TCF4: variants seen among roughly 807,000 people sequenced by gnomAD.
The protein encoded by TCF4 is transcription factor 4.
TCF4 carries 3 observed loss-of-function variants against 82.1 expected under a neutral mutation model. The observed-to-expected ratio is 0.04, with a 90% CI of 0.02 to 0.09. The LOEUF is 0.09. Ranked by LOEUF, TCF4 falls within the 10% of genes least tolerant of loss-of-function variation. TCF4 has a pLI of 1.00. For synonymous variants in TCF4, 276 were observed against 309.6 expected (o/e 0.89, Z 1.14); for missense variants, 518 against 852.7 (o/e 0.61, Z 4.89).
intron 6 of TCF4, among the ~76,000 whole-genome samples, chr18:55,393,207 T>C (rs963944345): frequency 3.9e-5 from 6 of 151,974 alleles, no homozygotes; most frequent in African/African-American, 1.5e-4. Context: ...CTACAAAACA[T>C]AAAAAAGTTA....
intron 5 of TCF4, among the ~76,000 whole-genome samples, chr18:55,421,512 A>G (rs1331395984): frequency 6.6e-6 from 1 of 152,234 alleles, no homozygotes; most frequent in East Asian, 1.9e-4. Context: ...GGGAATTACA[A>G]TTTAACTTTA....
intron 6 of TCF4, among the ~76,000 whole-genome samples, chr18:55,352,331 T>C (rs999204328): frequency 3.9e-5 from 6 of 152,136 alleles, no homozygotes; most frequent in African/African-American, 1.4e-4. Flanking sequence ...AACCTCCCCT[T>C]TCCACCGCCA....
intron 15 of TCF4, among the ~76,000 whole-genome samples, chr18:55,249,922 G>A (rs1377814337): frequency 6.6e-6 from 1 of 152,180 alleles, no homozygotes; most frequent in Non-Finnish European, 1.5e-5. Flanking sequence ...ATCTGTGGAT[G>A]TGAATACTGA....
intron 6 of TCF4, among the ~76,000 whole-genome samples, chr18:55,377,164 A>C (rs1251976703): frequency 6.6e-6 from 1 of 152,182 alleles, no homozygotes; most frequent in Admixed American, 6.5e-5. Context: ...CGTCTGATTC[A>C]CTTGATGAGC....
intron 15 of TCF4, among the ~76,000 whole-genome samples, chr18:55,239,762 A>C (rs1411847170): frequency 6.6e-6 from 1 of 152,234 alleles, no homozygotes; most frequent in African/African-American, 2.4e-5. Flanking sequence ...GGCTGTTTTT[A>C]TATGGAGATG....
intron 6 of TCF4, chr18:55,400,861 T>A (rs1375761862): frequency 4.8e-6 from 4 of 829,676 alleles, no homozygotes; most frequent in Non-Finnish European, 5.1e-6. Context: ...CCCCTTTAAG[T>A]CCATAGGATA....
chr18:55,407,386 G>A (rs916925902), intron 5 of TCF4, among the ~76,000 whole-genome samples: 62 of 152,140 alleles, frequency 4.1e-4, no homozygotes, highest in African/African-American at 1.4e-3. Context: ...TAAATGAGCA[G>A]ACACAACATC....
At chr18:55,327,715 A>T (rs2076812547) in intron 8 of TCF4, among the ~76,000 whole-genome samples, 2 of 152,158 alleles carry the variant, frequency 1.3e-5, no homozygotes, top group Non-Finnish European at 1.5e-5. Context: ...TTTGATCCAT[A>T]AGTAAATATT....
At chr18:55,237,142 A>G (rs2049712672) in intron 15 of TCF4, among the ~76,000 whole-genome samples, 1 of 152,190 alleles carries the variant, frequency 6.6e-6, no homozygotes, top group Admixed American at 6.5e-5. Context: ...AGACAGAATC[A>G]TGTGTTTTGA....
intron 6 of TCF4, among the ~76,000 whole-genome samples, chr18:55,371,776 C>T (rs1472154857): frequency 1.3e-5 from 2 of 152,134 alleles, no homozygotes; most frequent in African/African-American, 2.4e-5. Flanking sequence ...GAACTGAAAT[C>T]CACCCTATGC....
intron 5 of TCF4, among the ~76,000 whole-genome samples, chr18:55,446,978 C>CT (rs2095537036): frequency 8.0e-6 from 1 of 125,476 alleles, no homozygotes; most frequent in Non-Finnish European, 1.6e-5. Flanking sequence ...GAGCGAGACT[C>CT]TGTCTCAAAA....
chr18:55,395,325 A>G (rs1445507074), intron 6 of TCF4, among the ~76,000 whole-genome samples: 1 of 152,232 alleles, frequency 6.6e-6, no homozygotes, highest in African/African-American at 2.4e-5. Context: ...ACCTATCAGA[A>G]ACATAAAGAT....
chr18:55,301,993 TAAG>T (rs975721083), intron 8 of TCF4, among the ~76,000 whole-genome samples: 4 of 152,170 alleles, frequency 2.6e-5, no homozygotes, highest in Admixed American at 1.3e-4. Flanking sequence ...ATCACAATGG[TAAG>T]AAACAAAACC....
chr18:55,460,181 A>G (rs1291014059), intron 5 of TCF4, among the ~76,000 whole-genome samples: 1 of 152,168 alleles, frequency 6.6e-6, no homozygotes, highest in Non-Finnish European at 1.5e-5. Context: ...ACTTATTGAC[A>G]GATTCTCAAG....
intron 2 of TCF4, among the ~76,000 whole-genome samples, chr18:55,604,526 G>C (rs576065764): frequency 6.6e-6 from 1 of 152,272 alleles, no homozygotes; most frequent in South Asian, 2.1e-4. Flanking sequence ...GGACAAAGAG[G>C]ATCTTTGCTT....
In TCF4 at chr18:55,232,530, G is replaced by A. The variant is rs776056697; in HGVS notation, c.1628C>T (p.Ser543Leu). 6.2e-7 allele frequency: 1 copy of A among 1,614,148 alleles called. No individual in the cohort carries two copies. ...KLDDDKKDIK[S>L]ITRSRSSNND... Reference sequence around the variant, plus strand: ...TTACCTAGATCTTGACCTAGTAATTGATTTGATATCCTTCTTGTCGTCATC... The same window carrying A: ...TTACCTAGATCTTGACCTAGTAATTAATTTGATATCCTTCTTGTCGTCATC... Residue 543 changes from serine (S) to leucine (L), a missense_variant, in exon 17 of 20, where the codon TCA becomes TTA. By Grantham distance (145) the Ser-to-Leu change is moderately radical. Coordinates refer to ENST00000354452, the MANE Select transcript of TCF4 (RefSeq NM_001083962.2).
intron 5 of TCF4, among the ~76,000 whole-genome samples, chr18:55,418,058 G>C (rs1316952548): frequency 1.3e-5 from 2 of 149,912 alleles, no homozygotes; most frequent in Non-Finnish European, 3.0e-5. Flanking sequence ...TGTGTGTGTA[G>C]TAATAGGTAG....
chr18:55,376,214 C>T (rs2090703387), intron 6 of TCF4, among the ~76,000 whole-genome samples: 1 of 151,910 alleles, frequency 6.6e-6, no homozygotes, highest in Admixed American at 6.6e-5. Context: ...TTATTAGAGA[C>T]AGGGTCTCAC....
intron 12 of TCF4, among the ~76,000 whole-genome samples, chr18:55,260,586 T>G (rs969975362): frequency 6.6e-6 from 1 of 152,044 alleles, no homozygotes; most frequent in Non-Finnish European, 1.5e-5. Context: ...TTTGATGGAG[T>G]CTTGCTCTGT....
Sources: gnomAD v4.1 joint callset for allele counts (sites outside exome capture counted in the v4.1 genomes callset) on GRCh38, gnomAD v4.1.1 for gene constraint, MANE v1.5 for transcripts, NCBI Gene and HGNC (gene_info 2026-07-23, HGNC 2026-07-21) for gene names.